Variants in ZNF680 observed in about 807,000 individuals in gnomAD.
ZNF680 encodes hypothetical protein FLJ90430.
A neutral mutation model predicts 12.1 loss-of-function variants in ZNF680; 6 were observed. That is an observed-to-expected ratio of 0.49 (90% CI 0.27 to 0.98). The LOEUF (loss-of-function observed/expected upper bound fraction) is 0.98, where lower values mean the gene tolerates loss of function less well. Ranked by LOEUF, ZNF680 falls within the 50% of genes least tolerant of loss-of-function variation. The probability of loss-of-function intolerance (pLI) is 0.12; values close to 1 mark genes in which losing one functional copy is unlikely to be tolerated. For missense variants in ZNF680, 561 were observed against 616.3 expected (o/e 0.91, Z 0.95); for synonymous variants, 170 against 199.3 (o/e 0.85, Z 1.24).
intron 3 of ZNF680, among the ~76,000 whole-genome samples, chr7:64,536,331 A>G (rs1786166823): frequency 6.6e-6 from 1 of 152,234 alleles, no homozygotes; most frequent in Admixed American, 6.5e-5. Context: ...ACTTTGGCAG[A>G]CTGTACAAGA....
chr7:64,561,202 CAGG>C (rs1291260770), intron 1 of ZNF680: 2 of 155,382 alleles, frequency 1.3e-5, no homozygotes, highest in African/African-American at 2.4e-5. Flanking sequence ...AAGAGTGCAC[CAGG>C]AGATTTCTCT....
chr7:64,562,882 C>A (rs761683275), intron 1 of ZNF680, 43 bp downstream of exon 1: 2 of 1,612,576 alleles, frequency 1.2e-6, no homozygotes, highest in Non-Finnish European at 1.7e-6. Flanking sequence ...CCGGTTCCAA[C>A]CAGCCCCTCC....
chr7:64,534,998 ACTTGGGGGGG>A (rs1307538085), intron 3 of ZNF680, among the ~76,000 whole-genome samples: 1 of 131,462 alleles, frequency 7.6e-6, no homozygotes, highest in East Asian at 2.7e-4. Context: ...AACTTTGGGG[ACTTGGGGGGG>A]CTTGGGTGGG....
At chr7:64,550,977 T>A (rs1484046573) in intron 1 of ZNF680, among the ~76,000 whole-genome samples, 1 of 152,196 alleles carries the variant, frequency 6.6e-6, no homozygotes, top group Admixed American at 6.5e-5. Flanking sequence ...GAAATAAAAC[T>A]GTTATATTAC....
chr7:64,545,455 A>G (rs12533598), intron 1 of ZNF680, among the ~76,000 whole-genome samples: 3,931 of 152,194 alleles, frequency 0.026, 107 homozygotes, highest in African/African-American at 0.056. Flanking sequence ...AAAAGTAATT[A>G]ACTATAAAAA....
chr7:64,526,217 G>C (rs994950638), intron 3 of ZNF680: 11 of 1,023,040 alleles, frequency 1.1e-5, no homozygotes, highest in Middle Eastern at 4.3e-4. Context: ...GTAATGTAGA[G>C]GTTACTTGTA....
At chr7:64,509,614 T>C in the ZNF680 span, among the ~76,000 whole-genome samples, 1 of 152,196 alleles carries the variant, frequency 6.6e-6, no homozygotes, top group African/African-American at 2.4e-5. Context: ...TTAAAAAATC[T>C]TGCCCAAATC....
intron 3 of ZNF680, chr7:64,525,066 T>C (rs1791763938): frequency 6.6e-6 from 1 of 152,086 alleles, no homozygotes; most frequent in African/African-American, 2.4e-5. Context: ...ATATAAAGTC[T>C]TAAGAGATAA....
At chr7:64,510,012 C>A in the ZNF680 span, among the ~76,000 whole-genome samples, 1 of 138,222 alleles carries the variant, frequency 7.2e-6, no homozygotes, top group Non-Finnish European at 1.5e-5. Context: ...GCTCCTTTAA[C>A]CGTAAAACTC....
chr7:64,521,124 T>A lies in ZNF680; in HGVS notation c.*37A>T. ...TCAAATTCTTCACATTTTTAGGGTT[T>A]CTCAACAGGATGGTGTCTTTTATGT... On this transcript the variant is annotated 3_prime_UTR_variant, in exon 4 of 4. Transcript: ENST00000309683. The A allele has an allele frequency of 6.5e-7, 1 of 1,546,046 alleles. No individual in the cohort carries two copies. The highest frequency in any genetic ancestry group is 8.7e-7 in the Non-Finnish European group (1 of 1,148,554).
At chr7:64,512,255 C>T in the ZNF680 span, among the ~76,000 whole-genome samples, 2 of 151,744 alleles carry the variant, frequency 1.3e-5, no homozygotes, top group Non-Finnish European at 2.9e-5. Flanking sequence ...CGAGATCATC[C>T]TGGCCAAGAT....
intron 3 of ZNF680, chr7:64,525,860 C>A (rs1791811408): frequency 3.0e-6 from 3 of 984,996 alleles, no homozygotes; most frequent in Non-Finnish European, 3.6e-6. Context: ...CCATTTGCAA[C>A]AAACCTATAC....
intron 1 of ZNF680, among the ~76,000 whole-genome samples, chr7:64,552,556 C>T (rs1323448323): frequency 6.6e-6 from 1 of 152,074 alleles, no homozygotes; most frequent in East Asian, 1.9e-4. Flanking sequence ...GTTATCCCTA[C>T]CAGATAAGGT....
intron 1 of ZNF680, among the ~76,000 whole-genome samples, chr7:64,556,464 G>A (rs1012816764): frequency 6.6e-6 from 1 of 151,942 alleles, no homozygotes; most frequent in African/African-American, 2.4e-5. Flanking sequence ...GAATAAGAGA[G>A]CCCAGAAATC....
intron 1 of ZNF680, among the ~76,000 whole-genome samples, chr7:64,562,641 G>C (rs1562785135): frequency 6.6e-6 from 1 of 152,250 alleles, no homozygotes; most frequent in South Asian, 2.1e-4. Context: ...TGCACCCCGA[G>C]TTATCGGCAG....
At chr7:64,537,928 TC>T (rs763701104) in intron 3 of ZNF680, among the ~76,000 whole-genome samples, 48 of 150,978 alleles carry the variant, frequency 3.2e-4, no homozygotes, top group Non-Finnish European at 3.4e-4. Flanking sequence ...AGACTCCATC[TC>T]CAAAAAAAAA....
chr7:64,540,865 C>G (rs1274799925), intron 3 of ZNF680, among the ~76,000 whole-genome samples: 3 of 151,946 alleles, frequency 2.0e-5, no homozygotes, highest in Non-Finnish European at 2.9e-5. Flanking sequence ...GCAGGTATTT[C>G]AAATCATTGG....
intron 3 of ZNF680, among the ~76,000 whole-genome samples, chr7:64,530,005 C>T (rs529767069): frequency 6.8e-4 from 104 of 152,284 alleles, no homozygotes; most frequent in African/African-American, 2.3e-3. Context: ...CTTCAGCCTC[C>T]TCAAACAAAA....
intron 3 of ZNF680, among the ~76,000 whole-genome samples, chr7:64,536,564 T>G (rs1310921320): frequency 6.6e-6 from 1 of 152,146 alleles, no homozygotes; most frequent in Non-Finnish European, 1.5e-5. Flanking sequence ...TTTGCCCCCA[T>G]GACCCAAACA....
Sources: gnomAD v4.1 joint callset for allele counts (sites outside exome capture counted in the v4.1 genomes callset) on GRCh38, gnomAD v4.1.1 for gene constraint, MANE v1.5 for transcripts, NCBI Gene and HGNC (gene_info 2026-07-23, HGNC 2026-07-21) for gene names.